Variants in TMTC1 observed in about 807,000 individuals in gnomAD.
TMTC1 encodes protein O-mannosyl-transferase TMTC1.
TMTC1 carries 73 observed loss-of-function variants against 104.8 expected under a neutral mutation model. The observed-to-expected ratio is 0.70, with a 90% CI of 0.58 to 0.85. TMTC1 has a LOEUF of 0.85. Among genes scored for constraint, TMTC1 ranks in the 40% least tolerant of loss-of-function variants. The pLI, the probability that TMTC1 is intolerant of heterozygous loss-of-function variation, is 0.00. For synonymous variants in TMTC1, 434 were observed against 428.7 expected (o/e 1.01, Z -0.15); for missense variants, 1,035 against 1,096.1 (o/e 0.94, Z 0.79).
At position 29,503,769 on chromosome 12, in the gene TMTC1, C is replaced by T. The variant is rs1943643192; in HGVS notation, c.*3077G>A. ...CAGTGCAAAATGAAAGTGTGGACCT[C>T]TTGCTCAAAAATTATTAATTATTAA... On this transcript the variant is annotated 3_prime_UTR_variant, in exon 18 of 18. Transcript: ENST00000539277. 6.6e-6 allele frequency: 1 copy of T among 152,160 alleles called. No homozygotes were observed. The highest frequency in any genetic ancestry group is 1.5e-5 in the Non-Finnish European group (1 of 68,044). 9.4% of individuals were successfully genotyped at this position (152,160 alleles called of 1,614,324 possible).
chr12:29,750,062 T>TACACAC (rs34859060), intron 5 of TMTC1, among the ~76,000 whole-genome samples: 11,076 of 146,556 alleles, frequency 0.076, 562 homozygotes, highest in African/African-American at 0.15. Context: ...TAACTGTCTA[T>TACACAC]ACACACACAC....
chr12:29,662,279 G>A (rs1940065683), intron 5 of TMTC1, among the ~76,000 whole-genome samples: 1 of 152,098 alleles, frequency 6.6e-6, no homozygotes, highest in African/African-American at 2.4e-5. Context: ...CAAAGGTAAT[G>A]TTCTATAAGG....
chr12:29,631,825 C>G (rs1177521941), intron 6 of TMTC1, among the ~76,000 whole-genome samples: 1 of 151,880 alleles, frequency 6.6e-6, no homozygotes, highest in Non-Finnish European at 1.5e-5. Flanking sequence ...GTTCTTTTTT[C>G]TTTTGCCTGG....
chr12:29,628,076 C>T (rs1478799506), intron 6 of TMTC1, among the ~76,000 whole-genome samples: 1 of 152,184 alleles, frequency 6.6e-6, no homozygotes, highest in Non-Finnish European at 1.5e-5. Flanking sequence ...TTTGTCCAAT[C>T]CAGCTTATAA....
chr12:29,778,934 C>G lies in TMTC1; in HGVS notation c.302+4516G>C, dbSNP rs117806564. Among the ~76,000 whole-genome samples the G allele has an allele frequency of 2.4e-3, 358 of 152,296 alleles. 2 individuals are homozygous for G. Among genetic ancestry groups the G allele is most frequent in the Non-Finnish European group, 3.5e-3 (241 of 68,018 alleles). On this transcript the variant is annotated intron_variant, in intron 1 of 17. Transcript: ENST00000539277. ...CATTCTGGAAGAGAGGGTGAATGGA[C>G]TTGAAGTAGGGGGAAGCAAAGGCAA...
In TMTC1 at chr12:29,624,640, G is replaced by A. The variant is rs1157699654; in HGVS notation, c.1128+8507C>T. Among the ~76,000 whole-genome samples, 8 of 152,260 alleles carry A rather than the reference G, an allele frequency of 5.3e-5. No homozygotes were observed. In the East Asian group the frequency reaches 1.5e-3, roughly 29 times the overall value. On this transcript the variant is annotated intron_variant, in intron 6 of 17. Transcript: ENST00000539277. ...ATGCTCTTCCCCAAACAGCCACATG[G>A]CTCACCCTTGCACTTCCTTCATGTC... is the stretch of plus-strand genomic sequence containing the variant.
intron 11 of TMTC1, among the ~76,000 whole-genome samples, chr12:29,524,942 A>G (rs951388450): frequency 6.6e-6 from 1 of 152,130 alleles, no homozygotes; most frequent in Non-Finnish European, 1.5e-5. Context: ...TAAGAGTCTG[A>G]TGATAGCAGA....
chr12:29,620,811 G>A (rs1192393598), intron 6 of TMTC1, among the ~76,000 whole-genome samples: 2 of 152,192 alleles, frequency 1.3e-5, no homozygotes, highest in Admixed American at 1.3e-4. Context: ...CAGGAAAAAG[G>A]TGGCAGGTGG....
intron 5 of TMTC1, among the ~76,000 whole-genome samples, chr12:29,664,560 A>G (rs1319546820): frequency 1.3e-5 from 2 of 152,248 alleles, no homozygotes; most frequent in African/African-American, 4.8e-5. Context: ...ACAACACTCA[A>G]TAACAATACT....
intron 1 of TMTC1, among the ~76,000 whole-genome samples, chr12:29,773,597 T>C (rs1943642789): frequency 6.6e-6 from 1 of 152,124 alleles, no homozygotes; most frequent in Admixed American, 6.5e-5. Context: ...CTACATGTGG[T>C]GACCCAAGCC....
intron 5 of TMTC1, among the ~76,000 whole-genome samples, chr12:29,727,700 T>G (rs1942434145): frequency 6.6e-6 from 1 of 152,170 alleles, no homozygotes; most frequent in Non-Finnish European, 1.5e-5. Flanking sequence ...GAATGTCAAA[T>G]ATTAAGAGGA....
At chr12:29,770,497 T>C (rs898687781) in intron 1 of TMTC1, among the ~76,000 whole-genome samples, 2 of 152,162 alleles carry the variant, frequency 1.3e-5, no homozygotes, top group African/African-American at 4.8e-5. Context: ...TGTGGGGTTA[T>C]AGAAAAAACA....
intron 5 of TMTC1, among the ~76,000 whole-genome samples, chr12:29,660,298 G>C (rs562042799): frequency 6.6e-6 from 1 of 152,198 alleles, no homozygotes; most frequent in African/African-American, 2.4e-5. Flanking sequence ...GAGATATCAC[G>C]TAGAGGAGAA....
chr12:29,626,962 C>T (rs61922198), intron 6 of TMTC1, among the ~76,000 whole-genome samples: 21,848 of 151,840 alleles, frequency 0.14, 1,750 homozygotes, highest in Middle Eastern at 0.24. Context: ...ATTAGCTGGG[C>T]GTGGTGGTGG....
intron 6 of TMTC1, among the ~76,000 whole-genome samples, chr12:29,608,002 T>G (rs920468193): frequency 7.2e-5 from 11 of 152,224 alleles, no homozygotes; most frequent in Non-Finnish European, 1.5e-4. Flanking sequence ...CATTGTTTTA[T>G]TTCATTTTGA....
intron 17 of TMTC1, among the ~76,000 whole-genome samples, chr12:29,510,832 T>C (rs1943813361): frequency 6.6e-6 from 1 of 152,214 alleles, no homozygotes; most frequent in Non-Finnish European, 1.5e-5. Flanking sequence ...CCAAAAACCC[T>C]GACTCATTTG....
intron 9 of TMTC1, among the ~76,000 whole-genome samples, chr12:29,563,004 C>T (rs1302071256): frequency 6.6e-6 from 1 of 152,070 alleles, no homozygotes; most frequent in African/African-American, 2.4e-5. Flanking sequence ...AAAATTACAC[C>T]CATTATTTCT....
chr12:29,657,247 G>T (rs1010652898), intron 5 of TMTC1, among the ~76,000 whole-genome samples: 16 of 152,178 alleles, frequency 1.1e-4, no homozygotes, highest in Non-Finnish European at 1.6e-4. Flanking sequence ...GGCAAAGTTG[G>T]TTTTTCTCTT....
At chr12:29,571,871 A>G (rs1945687888) in intron 9 of TMTC1, among the ~76,000 whole-genome samples, 1 of 152,236 alleles carries the variant, frequency 6.6e-6, no homozygotes, top group South Asian at 2.1e-4. Context: ...ATAGCAATGA[A>G]AAGTTTCACA....
Sources: gnomAD v4.1 joint callset for allele counts (sites outside exome capture counted in the v4.1 genomes callset) on GRCh38, gnomAD v4.1.1 for gene constraint, MANE v1.5 for transcripts, NCBI Gene and HGNC (gene_info 2026-07-23, HGNC 2026-07-21) for gene names.